CTIF: variants seen among roughly 807,000 people sequenced by gnomAD.
CTIF encodes the protein CBP80/20-dependent translation initiation factor.
A neutral mutation model predicts 66.0 loss-of-function variants in CTIF; 21 were observed. The observed-to-expected ratio is 0.32, with a 90% confidence interval of 0.23 to 0.46. The LOEUF (loss-of-function observed/expected upper bound fraction) is 0.46, where lower values mean the gene tolerates loss of function less well. Ranked by LOEUF, CTIF falls within the 20% of genes least tolerant of loss-of-function variation. CTIF has a pLI of 1.00. For synonymous variants in CTIF, 345 were observed against 326.4 expected, an observed-to-expected ratio of 1.06 and a Z score of -0.62; for missense variants, 739 against 812.7, an observed-to-expected ratio of 0.91 and a Z score of 1.10.
chr18:48,826,143 C>T (rs1485273460), intron 10 of CTIF: 1 of 152,224 alleles, frequency 6.6e-6, no homozygotes. Flanking sequence ...GAATAATACT[C>T]ATCCTGTGGC....
At chr18:48,578,650 T>C (rs2089587848) in intron 1 of CTIF, among the ~76,000 whole-genome samples, 1 of 152,242 alleles carries the variant, frequency 6.6e-6, no homozygotes, top group Non-Finnish European at 1.5e-5. Flanking sequence ...TGTATATCTT[T>C]GGAAAAATGT....
intron 6 of CTIF, among the ~76,000 whole-genome samples, chr18:48,700,002 T>C (rs1156542683): frequency 1.3e-5 from 2 of 152,228 alleles, no homozygotes; most frequent in African/African-American, 4.8e-5. Flanking sequence ...GTCCTGCTGC[T>C]CTCGCCTTCA....
intron 7 of CTIF, among the ~76,000 whole-genome samples, chr18:48,717,402 AAAAT>A (rs145983579): frequency 0.081 from 11,744 of 144,822 alleles, 619 homozygotes; most frequent in East Asian, 0.24. Flanking sequence ...CTGTCTTTAA[AAAAT>A]AAATAAATAA....
chr18:48,583,166 G>A (rs1012604353), intron 1 of CTIF, among the ~76,000 whole-genome samples: 7 of 152,186 alleles, frequency 4.6e-5, no homozygotes, highest in Non-Finnish European at 7.4e-5. Flanking sequence ...GTTGCACCTG[G>A]TGTGACCCCC....
intron 3 of CTIF, among the ~76,000 whole-genome samples, chr18:48,654,367 G>A (rs2091208919): frequency 6.6e-6 from 1 of 152,194 alleles, no homozygotes; most frequent in Non-Finnish European, 1.5e-5. Context: ...AAAGACACAT[G>A]AAAAAATGCT....
rs760218099 is a variant in CTIF, at chr18:48,758,171, C to G, written c.837C>G (p.Asn279Lys). 6.2e-6 allele frequency: 10 copies of G among 1,613,898 alleles called. No individual in the cohort carries two copies. The South Asian group carries it at 8.8e-5, about 14-fold the overall frequency. ...CCAAAGAGACCATGACCATCGAGAA[C>G]CCAAAACTGGAGGACACTGCAGGGG... ...RNAKETMTIE[N>K]PKLEDTAGDT... The change falls in exon 8 of 12, where the codon AAC becomes AAG. Residue 279 changes from asparagine (N) to lysine (K), a missense_variant. Physicochemically the swap from Asn to Lys is moderately conservative, Grantham distance 94 (BLOSUM62 0). Transcript: ENST00000256413.
chr18:48,720,724 A>G (rs1056381450), intron 7 of CTIF, among the ~76,000 whole-genome samples: 4 of 152,148 alleles, frequency 2.6e-5, no homozygotes, highest in Non-Finnish European at 5.9e-5. Context: ...ATTGAAATGG[A>G]GCCCCTGATA....
In CTIF at chr18:48,777,634, C is replaced by G. The variant is rs532352288; in HGVS notation, c.1371+15945C>G. On this transcript the variant is annotated intron_variant, in intron 9 of 11. Coordinates refer to ENST00000256413, the MANE Select transcript of CTIF (RefSeq NM_014772.3). ...CTGGGAACAGTGCCTGCCCAGAGAC[C>G]CAGCTGCCCTTAGGAACGAATGAGT... 1.1e-4 allele frequency among the ~76,000 whole-genome samples: 16 copies of G among 152,308 alleles called. No individual in the cohort carries two copies. In the South Asian group the frequency reaches 2.5e-3, roughly 24 times the overall value.
intron 5 of CTIF, among the ~76,000 whole-genome samples, chr18:48,668,771 A>G (rs1237281425): frequency 6.6e-6 from 1 of 151,912 alleles, no homozygotes; most frequent in Non-Finnish European, 1.5e-5. Flanking sequence ...CCCTCGCCCA[A>G]GACAGTTCTA....
chr18:48,579,964 C>G (rs939367571), intron 1 of CTIF, among the ~76,000 whole-genome samples: 3 of 152,210 alleles, frequency 2.0e-5, no homozygotes, highest in Admixed American at 2.0e-4. Flanking sequence ...AATGAAGGAA[C>G]TACGATGTCT....
intron 9 of CTIF, among the ~76,000 whole-genome samples, chr18:48,771,846 A>T (rs2145969636): frequency 1.3e-5 from 2 of 152,336 alleles, no homozygotes; most frequent in South Asian, 4.1e-4. Context: ...GAGCTATGCT[A>T]AGCGGCTCCA....
chr18:48,656,169 A>C (rs1276588449), intron 3 of CTIF, among the ~76,000 whole-genome samples: 3 of 152,242 alleles, frequency 2.0e-5, no homozygotes, highest in African/African-American at 4.8e-5. Flanking sequence ...GGTGTGGAGA[A>C]TACAGATGCT....
chr18:48,603,499 G>T (rs140284819), intron 1 of CTIF, among the ~76,000 whole-genome samples: 7 of 112,934 alleles, frequency 6.2e-5, no homozygotes, highest in Admixed American at 5.2e-4. Context: ...GGGTGGGTGG[G>T]TGGATGGATG....
At chr18:48,730,246 C>CCCCCGAGGTGTGAGGGGCTCCTGT (rs1568170779) in intron 7 of CTIF, among the ~76,000 whole-genome samples, 2 of 143,682 alleles carry the variant, frequency 1.4e-5, no homozygotes, top group African/African-American at 5.5e-5. Context: ...GGGGCCTCCG[C>CCCCCGAGGTGTGAGGGGCTCCTGT]GGTGTGAGGG....
chr18:48,808,665 C>A (rs1408858750), intron 9 of CTIF, among the ~76,000 whole-genome samples: 1 of 152,140 alleles, frequency 6.6e-6, no homozygotes, highest in Non-Finnish European at 1.5e-5. Flanking sequence ...GCTTCCTTTG[C>A]CACTGATTTG....
intron 6 of CTIF, among the ~76,000 whole-genome samples, chr18:48,686,772 G>T (rs1162491939): frequency 6.6e-6 from 1 of 152,110 alleles, no homozygotes; most frequent in Non-Finnish European, 1.5e-5. Context: ...GGTACCTGGG[G>T]CCTGCAAGCT....
At chr18:48,841,975 G>A (rs1456520519) in intron 10 of CTIF, among the ~76,000 whole-genome samples, 2 of 152,206 alleles carry the variant, frequency 1.3e-5, no homozygotes, top group Non-Finnish European at 2.9e-5. Flanking sequence ...CTACTGGAAG[G>A]TGGAGGAGGC....
At chr18:48,554,980 A>AAGTATTCAG (rs3056423) in intron 1 of CTIF, among the ~76,000 whole-genome samples, 17,052 of 152,174 alleles carry the variant, frequency 0.11, 1,074 homozygotes, top group African/African-American at 0.17. Context: ...CAGGGTGACC[A>AAGTATTCAG]AGTATTCAGA....
At chr18:48,780,691 C>T (rs1911121885) in intron 9 of CTIF, among the ~76,000 whole-genome samples, 1 of 152,236 alleles carries the variant, frequency 6.6e-6, no homozygotes, top group Non-Finnish European at 1.5e-5. Flanking sequence ...GTCTCAGCCA[C>T]TCTCCCAGGC....
Sources: allele counts gnomAD v4.1 joint callset (sites outside exome capture counted in the v4.1 genomes callset), GRCh38; gene constraint gnomAD v4.1.1; transcripts MANE v1.5; gene names NCBI Gene and HGNC (gene_info 2026-07-23, HGNC 2026-07-21).